PRIM2: variants seen among roughly 807,000 people sequenced by gnomAD.
PRIM2 encodes DNA primase large subunit.
PRIM2 carries 39 observed loss-of-function variants against 67.3 expected under a neutral mutation model. That is an observed-to-expected ratio of 0.58 (90% CI 0.45 to 0.76). The LOEUF (loss-of-function observed/expected upper bound fraction) is 0.76, where lower values mean the gene tolerates loss of function less well. Among genes scored for constraint, PRIM2 ranks in the 30% least tolerant of loss-of-function variants. The probability of loss-of-function intolerance (pLI) is 0.00; values close to 1 mark genes in which losing one functional copy is unlikely to be tolerated. For missense variants in PRIM2, 398 were observed against 598.7 expected (o/e 0.66, Z 3.50); for synonymous variants, 143 against 198.7 (o/e 0.72, Z 2.36).
chr6:57,368,653 A>G (rs1769446739), intron 5 of PRIM2, among the ~76,000 whole-genome samples: 2 of 152,230 alleles, frequency 1.3e-5, no homozygotes, highest in Non-Finnish European at 2.9e-5. Flanking sequence ...GGGGATGGGT[A>G]TGGCATGTTT....
intron 10 of PRIM2, among the ~76,000 whole-genome samples, chr6:57,542,774 A>C (rs2127472137): frequency 6.6e-6 from 1 of 151,734 alleles, no homozygotes; most frequent in Admixed American, 6.6e-5. Context: ...TGTTTTTCTC[A>C]GCTATATCGT....
intron 7 of PRIM2, among the ~76,000 whole-genome samples, chr6:57,454,259 T>G (rs1348703994): frequency 6.6e-6 from 1 of 152,090 alleles, no homozygotes; most frequent in Non-Finnish European, 1.5e-5. Flanking sequence ...TTTTTTTGTT[T>G]TGTCTCTGAC....
At chr6:57,473,445 AC>A (rs1228088661) in intron 7 of PRIM2, among the ~76,000 whole-genome samples, 1 of 152,106 alleles carries the variant, frequency 6.6e-6, no homozygotes, top group Non-Finnish European at 1.5e-5. Context: ...AACCTGGAAA[AC>A]TTTTTTTAAA....
At chr6:57,350,732 C>T (rs993225583) in intron 5 of PRIM2, among the ~76,000 whole-genome samples, 2 of 152,136 alleles carry the variant, frequency 1.3e-5, no homozygotes, top group African/African-American at 4.8e-5. Context: ...TCTTCCCTTT[C>T]CAGCTTGAAC....
At chr6:57,490,002 C>T (rs1476607393) in intron 7 of PRIM2, among the ~76,000 whole-genome samples, 2 of 151,084 alleles carry the variant, frequency 1.3e-5, no homozygotes, top group African/African-American at 4.9e-5. Context: ...CAATGATTGC[C>T]TGCCCCTTGC....
At chr6:57,344,498 C>A (rs888357303) in intron 5 of PRIM2, among the ~76,000 whole-genome samples, 10 of 151,596 alleles carry the variant, frequency 6.6e-5, no homozygotes, top group African/African-American at 2.2e-4. Flanking sequence ...ATTTCTGTTA[C>A]AATTGAATAC....
chr6:57,228,240 C>T, the PRIM2 span, among the ~76,000 whole-genome samples: 1 of 151,344 alleles, frequency 6.6e-6, no homozygotes, highest in Admixed American at 6.6e-5. Flanking sequence ...TCATTACTTT[C>T]ATGAAGCTTC....
intron 5 of PRIM2, among the ~76,000 whole-genome samples, chr6:57,363,802 A>G (rs1769269502): frequency 6.6e-6 from 1 of 152,178 alleles, no homozygotes; most frequent in African/African-American, 2.4e-5. Context: ...GGTGTCTTAT[A>G]TTAATTCTGG....
chr6:57,245,349 T>A, the PRIM2 span, among the ~76,000 whole-genome samples: 22 of 151,774 alleles, frequency 1.4e-4, no homozygotes, highest in African/African-American at 5.3e-4. Context: ...AGTGCAAGGC[T>A]GTGCATGAAG....
intron 7 of PRIM2, among the ~76,000 whole-genome samples, chr6:57,482,350 T>C (rs1341516657): frequency 7.9e-5 from 12 of 152,100 alleles, no homozygotes; most frequent in African/African-American, 2.9e-4. Flanking sequence ...ATATTTTTCT[T>C]GGGGAAGAGC....
intron 7 of PRIM2, among the ~76,000 whole-genome samples, chr6:57,449,602 G>A (rs528279575): frequency 1.3e-5 from 2 of 152,012 alleles, no homozygotes; most frequent in East Asian, 3.9e-4. Context: ...CTTATTAATG[G>A]CCTTCCCTCT....
At chr6:57,486,933 T>G (rs1269522785) in intron 7 of PRIM2, among the ~76,000 whole-genome samples, 95 of 152,340 alleles carry the variant, frequency 6.2e-4, no homozygotes, top group Non-Finnish European at 9.6e-4. Flanking sequence ...CTAGTGTGAA[T>G]CATAAGGATT....
chr6:57,308,861 A>C, the PRIM2 span, among the ~76,000 whole-genome samples: 1 of 149,430 alleles, frequency 6.7e-6, no homozygotes, highest in Non-Finnish European at 1.5e-5. Context: ...TGTTTATTTT[A>C]TTTTATTTTT....
At chr6:57,421,402 C>G (rs1007564749) in intron 7 of PRIM2, among the ~76,000 whole-genome samples, 4 of 152,106 alleles carry the variant, frequency 2.6e-5, no homozygotes, top group Admixed American at 6.5e-5. Flanking sequence ...AGTAATGGCA[C>G]TGATATATCA....
chr6:57,539,612 TTGTGTGTGTGTGTGTG>T (rs1232932730), intron 10 of PRIM2, among the ~76,000 whole-genome samples: 12 of 129,352 alleles, frequency 9.3e-5, no homozygotes, highest in South Asian at 2.8e-4. Flanking sequence ...ATTATATTCT[TTGTGTGTGTGTGTGTG>T]TGTGTGTGTG....
intron 12 of PRIM2, among the ~76,000 whole-genome samples, chr6:57,611,327 T>C (rs1298454009): frequency 2.6e-5 from 4 of 152,316 alleles, no homozygotes; most frequent in African/African-American, 7.2e-5. Flanking sequence ...GAAAGACTGA[T>C]GAAAATGAAA....
chr6:57,592,032 G>C (rs1427992949), intron 10 of PRIM2, among the ~76,000 whole-genome samples: 1 of 152,150 alleles, frequency 6.6e-6, no homozygotes, highest in Non-Finnish European at 1.5e-5. Context: ...CATGGATGCA[G>C]CTGGAGGTCA....
chr6:57,537,401 T>C (rs1775023473), intron 9 of PRIM2, 39 bp from the exon 10 acceptor site: 2 of 1,077,752 alleles, frequency 1.9e-6, no homozygotes, highest in Non-Finnish European at 2.6e-6. Context: ...CTGATAAGTC[T>C]TCCACTTAAC....
the PRIM2 span, among the ~76,000 whole-genome samples, chr6:57,261,393 T>TG: frequency 4.6e-5 from 7 of 152,118 alleles, no homozygotes; most frequent in Non-Finnish European, 1.0e-4. Context: ...CTGAGAGAAG[T>TG]GGGGAAAAAT....
Sources: gnomAD v4.1 joint callset for allele counts (sites outside exome capture counted in the v4.1 genomes callset) on GRCh38, gnomAD v4.1.1 for gene constraint, MANE v1.5 for transcripts, NCBI Gene and HGNC (gene_info 2026-07-23, HGNC 2026-07-21) for gene names.